MYO1H: variants seen among roughly 807,000 people sequenced by gnomAD.
MYO1H encodes myosin IH.
Under a neutral mutation model 149.3 loss-of-function variants are expected in MYO1H, and 118 were observed. The observed-to-expected ratio is 0.79, with a 90% CI of 0.68 to 0.92. MYO1H has a LOEUF of 0.92. MYO1H is among the 40% of genes least tolerant of loss of function. The probability of loss-of-function intolerance (pLI) is 0.00; values close to 1 mark genes in which losing one functional copy is unlikely to be tolerated. For synonymous variants in MYO1H, 447 were observed against 465.2 expected (o/e 0.96, Z 0.50); for missense variants, 1,212 against 1,280.7 (o/e 0.95, Z 0.82).
At chr12:109,398,945 A>C (rs914505160) in intron 5 of MYO1H, among the ~76,000 whole-genome samples, 1 of 151,992 alleles carries the variant, frequency 6.6e-6, no homozygotes, top group Non-Finnish European at 1.5e-5. Flanking sequence ...TGCGTAAGTG[A>C]ATGAGCGTAG....
chr12:109,386,651 G>C (rs953218211), intron 1 of MYO1H, among the ~76,000 whole-genome samples: 2 of 152,170 alleles, frequency 1.3e-5, no homozygotes, highest in African/African-American at 4.8e-5. Flanking sequence ...CCTTTGTGAA[G>C]TGTCTATTCA....
the MYO1H span, among the ~76,000 whole-genome samples, chr12:109,310,940 T>A: frequency 1.2e-4 from 18 of 152,228 alleles, no homozygotes; most frequent in Admixed American, 9.8e-4. Flanking sequence ...GGAAAGTGGT[T>A]TACATAGTTT....
chr12:109,360,904 G>GT (rs750554108), intron 1 of MYO1H, among the ~76,000 whole-genome samples: 58 of 152,188 alleles, frequency 3.8e-4, no homozygotes, highest in Admixed American at 7.2e-4. Flanking sequence ...TAACGGAGTA[G>GT]TGATAGAGTC....
At chr12:109,440,923 C>A in intron 25 of MYO1H, 96 bp downstream of exon 25, 1 of 901,608 alleles carries the variant, frequency 1.1e-6, no homozygotes, top group Non-Finnish European at 1.8e-6. Flanking sequence ...CACCTATAAG[C>A]GGGGGTCATG....
At chr12:109,420,637 C>T (rs1419629518) in intron 15 of MYO1H, among the ~76,000 whole-genome samples, 1 of 152,194 alleles carries the variant, frequency 6.6e-6, no homozygotes, top group Non-Finnish European at 1.5e-5. Flanking sequence ...AACCAGGCCC[C>T]TCTTCCAACA....
intron 26 of MYO1H, among the ~76,000 whole-genome samples, 168 bp from the exon 27 acceptor site, chr12:109,442,049 A>G (rs1349998329): frequency 1.3e-5 from 2 of 152,152 alleles, no homozygotes; most frequent in African/African-American, 2.4e-5. Context: ...TCTGTCTCCA[A>G]AAAAATAAGT....
intron 19 of MYO1H, among the ~76,000 whole-genome samples, chr12:109,430,276 G>A (rs1350699308): frequency 6.6e-6 from 1 of 152,168 alleles, no homozygotes; most frequent in African/African-American, 2.4e-5. Context: ...GCTGGAGATA[G>A]CCAAACCCCG....
chr12:109,381,062 AAACAAT>A (rs1271005921), intron 1 of MYO1H, among the ~76,000 whole-genome samples: 1 of 152,196 alleles, frequency 6.6e-6, no homozygotes, highest in Non-Finnish European at 1.5e-5. Context: ...AAAGGTCTAG[AAACAAT>A]GATTAACCCT....
the MYO1H span, among the ~76,000 whole-genome samples, chr12:109,336,655 A>G: frequency 6.6e-6 from 1 of 152,228 alleles, no homozygotes; most frequent in Non-Finnish European, 1.5e-5. Flanking sequence ...AAAATCCAGA[A>G]TGAACTGTTG....
At chr12:109,388,494 G>A (rs1022605711) in intron 1 of MYO1H, among the ~76,000 whole-genome samples, 189 bp from the exon 2 acceptor site, 1 of 152,270 alleles carries the variant, frequency 6.6e-6, no homozygotes, top group Admixed American at 6.5e-5. Context: ...ATCAGCTGCT[G>A]CTATTCCTAT....
intron 31 of MYO1H, among the ~76,000 whole-genome samples, chr12:109,446,907 C>T (rs113546845): frequency 1.3e-5 from 2 of 152,074 alleles, no homozygotes; most frequent in South Asian, 4.1e-4. Flanking sequence ...AAAGTGACAC[C>T]CCAGAGACTG....
chr12:109,380,083 T>C (rs949404743), intron 1 of MYO1H, among the ~76,000 whole-genome samples: 1 of 151,922 alleles, frequency 6.6e-6, no homozygotes, highest in Non-Finnish European at 1.5e-5. Context: ...TTTGTAGAGA[T>C]ACGGTCTCGC....
At chr12:109,329,819 T>G in the MYO1H span, among the ~76,000 whole-genome samples, 1 of 152,164 alleles carries the variant, frequency 6.6e-6, no homozygotes, top group African/African-American at 2.4e-5. Flanking sequence ...GCCTTGACAA[T>G]AGAACCTCCT....
At chr12:109,393,671 C>A (rs910402243) in intron 3 of MYO1H, among the ~76,000 whole-genome samples, 1 of 152,140 alleles carries the variant, frequency 6.6e-6, no homozygotes, top group African/African-American at 2.4e-5. Flanking sequence ...ATTTACCTAT[C>A]CATCCACCTA....
intron 20 of MYO1H, among the ~76,000 whole-genome samples, chr12:109,433,643 G>C (rs1871734254): frequency 6.6e-6 from 1 of 152,188 alleles, no homozygotes; most frequent in Non-Finnish European, 1.5e-5. Flanking sequence ...TCCTGTTCAT[G>C]GGCTTTCCCT....
At chr12:109,337,264 A>G in the MYO1H span, among the ~76,000 whole-genome samples, 3,969 of 152,226 alleles carry the variant, frequency 0.026, 71 homozygotes, top group Middle Eastern at 0.061. Flanking sequence ...TATTAGCTTC[A>G]TATATTCTTA....
chr12:109,418,092 A>G (rs1251244085), intron 15 of MYO1H, among the ~76,000 whole-genome samples: 1 of 152,030 alleles, frequency 6.6e-6, no homozygotes, highest in African/African-American at 2.4e-5. Flanking sequence ...CTGGGATTAC[A>G]GGTGTGAGCC....
intron 6 of MYO1H, 169 bp downstream of exon 6, chr12:109,401,441 A>G: frequency 1.6e-6 from 1 of 635,184 alleles, no homozygotes; most frequent in South Asian, 2.8e-5. Flanking sequence ...ATCTCCTCTT[A>G]TGCCTGGCAG....
intron 3 of MYO1H, among the ~76,000 whole-genome samples, chr12:109,394,001 C>G (rs375280094): frequency 5.9e-5 from 9 of 152,166 alleles, no homozygotes; most frequent in African/African-American, 1.9e-4. Flanking sequence ...GCTGTGGAAG[C>G]TTAAGAGGTG....
Sources: gnomAD v4.1 joint callset for allele counts (sites outside exome capture counted in the v4.1 genomes callset) on GRCh38, gnomAD v4.1.1 for gene constraint, MANE v1.5 for transcripts, NCBI Gene and HGNC (gene_info 2026-07-23, HGNC 2026-07-21) for gene names.